RANBP10: variants seen among roughly 807,000 people sequenced by gnomAD.
RANBP10 encodes the protein ran-binding protein 10.
In RANBP10, 24 loss-of-function variants were observed where a neutral mutation model predicts 72.8. The ratio of observed to expected loss-of-function variants is 0.33; its 90% CI spans 0.24 to 0.46. The LOEUF (loss-of-function observed/expected upper bound fraction) is 0.46. RANBP10 is among the 20% of genes least tolerant of loss of function. The pLI, the probability that RANBP10 is intolerant of heterozygous loss-of-function variation, is 1.00. For synonymous variants in RANBP10, 310 were observed against 322.3 expected (o/e 0.96, Z 0.41); for missense variants, 679 against 817.5 (o/e 0.83, Z 2.07).
In RANBP10 at chr16:67,805,549, G is replaced by T; in HGVS notation, c.236-10C>A. On this transcript the variant is annotated splice_polypyrimidine_tract_variant and intron_variant, in intron 1 of 13. Coordinates refer to ENST00000317506, the MANE Select transcript of RANBP10 (RefSeq NM_020850.3). The stretch of plus-strand genomic sequence containing the variant: ...TGATTTTTGCCATGACCTAACAGGA[G>T]AGGGCAAGTAAGAAATTTCAGCAGA... 6.2e-7 allele frequency: 1 copy of T among 1,611,020 alleles called. No homozygotes were observed. Among genetic ancestry groups the T allele is most frequent in the Non-Finnish European group, 8.5e-7 (1 of 1,177,980 alleles).
rs528884052 is a variant in RANBP10 at position 67,746,476 on chromosome 16, G to A, written c.401-2021C>T. 7.2e-5 allele frequency among the ~76,000 whole-genome samples: 11 copies of A among 151,956 alleles called. No homozygotes were observed. The South Asian group carries it at 1.2e-3, about 17-fold the overall frequency. ...AGCCTGGGCGACACAGCAAGACTCC[G>A]TCTCAAAAATAATAATAATAATAAA... On this transcript the variant is annotated intron_variant, in intron 3 of 13. Coordinates refer to ENST00000317506, the MANE Select transcript of RANBP10 (RefSeq NM_020850.3).
intron 2 of RANBP10, among the ~76,000 whole-genome samples, chr16:67,800,145 CA>C (rs901321844): frequency 5.5e-4 from 78 of 141,338 alleles, no homozygotes; most frequent in South Asian, 2.5e-3. Flanking sequence ...CAACAACAAC[CA>C]AAAAAAAAAA....
intron 3 of RANBP10, chr16:67,759,753 G>C (rs1276721560): frequency 2.6e-5 from 4 of 152,322 alleles, no homozygotes; most frequent in African/African-American, 7.2e-5. Flanking sequence ...CAGGAAAGAA[G>C]TGGTGCCTAT....
intron 2 of RANBP10, among the ~76,000 whole-genome samples, chr16:67,784,451 G>GT (rs1264943486): frequency 1.3e-4 from 20 of 152,186 alleles, no homozygotes; most frequent in African/African-American, 4.8e-4. Context: ...GAGGTTGGGA[G>GT]TTTGAGACCA....
chr16:67,727,308 A>G lies in RANBP10; in HGVS notation c.1732+19T>C, dbSNP rs1470875935. The G allele has an allele frequency of 2.5e-6, 4 of 1,592,252 alleles. No individual in the cohort carries two copies. The highest frequency in any genetic ancestry group is 3.4e-6 in the Non-Finnish European group (4 of 1,167,216). On this transcript the variant is annotated intron_variant, in intron 13 of 13. Coordinates refer to ENST00000317506, the MANE Select transcript of RANBP10 (RefSeq NM_020850.3). ...AGCAGACTCTGTCTCTAATAATAAT[A>G]ATAAATAGATTCACTCACCTAAAAT... is the stretch of plus-strand genomic sequence containing the variant.
Position 67,724,589 on chromosome 16 carries a change from C to A in RANBP10, c.*1839G>T, listed in dbSNP as rs2142999537. The A allele has an allele frequency of 6.6e-6, 1 of 152,374 alleles. No homozygotes were observed. Among genetic ancestry groups the A allele is most frequent in the Non-Finnish European group, 1.5e-5 (1 of 68,068 alleles). 9.4% of individuals were successfully genotyped at this position (152,374 alleles called of 1,614,324 possible). ...AGGCCATGGTCTATGGGTCTGCCAG[C>A]CCCAAGGACCAAGAAAAAGCAGCAG... On this transcript the variant is annotated 3_prime_UTR_variant, in exon 14 of 14. Coordinates refer to ENST00000317506, the MANE Select transcript of RANBP10 (RefSeq NM_020850.3).
At chr16:67,788,845 C>T (rs985528365) in intron 2 of RANBP10, among the ~76,000 whole-genome samples, 9 of 149,852 alleles carry the variant, frequency 6.0e-5, no homozygotes, top group Non-Finnish European at 1.0e-4. Context: ...ACTGAAAATA[C>T]AAAAATTAGC....
At chr16:67,798,706 A>C (rs2055177054) in intron 2 of RANBP10, among the ~76,000 whole-genome samples, 1 of 152,194 alleles carries the variant, frequency 6.6e-6, no homozygotes, top group Non-Finnish European at 1.5e-5. Context: ...GCCAAGAGAA[A>C]AAAAGACAAC....
intron 3 of RANBP10, among the ~76,000 whole-genome samples, chr16:67,761,995 C>T (rs1189475848): frequency 6.6e-6 from 1 of 152,122 alleles, no homozygotes; most frequent in Non-Finnish European, 1.5e-5. Flanking sequence ...GTGGCTCACA[C>T]CTGTAATCCC....
intron 2 of RANBP10, among the ~76,000 whole-genome samples, chr16:67,797,081 T>C (rs1473734156): frequency 6.6e-6 from 1 of 152,156 alleles, no homozygotes; most frequent in Non-Finnish European, 1.5e-5. Context: ...GCCTGCCACA[T>C]GGGGCTGCTA....
intron 10 of RANBP10, 106 bp from the exon 11 acceptor site, chr16:67,728,617 G>A (rs770016175): frequency 5.7e-6 from 9 of 1,576,724 alleles, no homozygotes; most frequent in Non-Finnish European, 7.7e-6. Context: ...GGTGAACCGA[G>A]GACCCCCAGG....
At chr16:67,793,023 G>A (rs771643716) in intron 2 of RANBP10, among the ~76,000 whole-genome samples, 4 of 152,038 alleles carry the variant, frequency 2.6e-5, no homozygotes, top group Non-Finnish European at 4.4e-5. Flanking sequence ...AGAGTCTCAA[G>A]TACCAAACCT....
rs760273026 is a variant in RANBP10 at position 67,729,728 on chromosome 16, T to C, written c.1099A>G (p.Ser367Gly). 1.2e-6 allele frequency: 2 copies of C among 1,613,990 alleles called. No individual in the cohort carries two copies. Among genetic ancestry groups the C allele is most frequent in the Non-Finnish European group, 1.7e-6 (2 of 1,179,974 alleles). The change falls in exon 9 of 14, where the codon AGC becomes GGC. Residue 367 changes from serine (S) to glycine (G), a missense_variant. By Grantham distance (56) the Ser-to-Gly change is moderately conservative. Transcript: ENST00000317506. The surrounding 1 kb of genome is among the most constrained non-coding windows in gnomAD (Gnocchi z 7.1). ...KSQDSYPGSP[S>G]LSPRHGPSSS... Reference sequence around the variant, plus strand: ...CTGGGGCCATGTCGGGGACTGAGGCTGGGGGAGCCAGGGTAGCTGTCCTGG... The same window carrying C: ...CTGGGGCCATGTCGGGGACTGAGGCCGGGGGAGCCAGGGTAGCTGTCCTGG...
rs775356231 is a variant in RANBP10 at position 67,729,366 on chromosome 16, G to A, written c.1266C>T (p.Ser422=). 3.1e-6 allele frequency: 5 copies of A among 1,613,012 alleles called. No homozygotes were observed. In the East Asian group the frequency reaches 8.9e-5, roughly 29 times the overall value. ...ACTCGGAGTAATTGACGGAGGATGGGGAAGAGGACGAGGAGGAGGAGGAGG... is the reference window on the plus strand; with the variant it reads ...ACTCGGAGTAATTGACGGAGGATGGAGAAGAGGACGAGGAGGAGGAGGAGG... ...SSSSSSSSSS[S]PSSVNYSESN... Residue 422 remains serine, a synonymous_variant, in exon 10 of 14, where the codon TCC becomes TCT. Coordinates refer to ENST00000317506, the MANE Select transcript of RANBP10 (RefSeq NM_020850.3). This position sits in a 1 kb window ranked among gnomAD's most constrained non-coding sequence, Gnocchi z 7.1.
chr16:67,736,517 C>T (rs549750865), intron 5 of RANBP10, among the ~76,000 whole-genome samples: 1 of 152,318 alleles, frequency 6.6e-6, no homozygotes, highest in African/African-American at 2.4e-5. Flanking sequence ...ATGCTGGCTT[C>T]AGCCCACCAT....
intron 2 of RANBP10, among the ~76,000 whole-genome samples, chr16:67,797,156 AC>A (rs992583418): frequency 1.3e-5 from 2 of 152,242 alleles, no homozygotes; most frequent in Admixed American, 6.5e-5. Flanking sequence ...AATCTCCCTT[AC>A]ACCATGACCC....
At chr16:67,753,106 C>A (rs537427292) in intron 3 of RANBP10, among the ~76,000 whole-genome samples, 3 of 147,340 alleles carry the variant, frequency 2.0e-5, no homozygotes, top group African/African-American at 7.5e-5. Context: ...CTGGGTGTGG[C>A]GGTGTGTACT....
At chr16:67,750,610 A>T (rs935054695) in intron 3 of RANBP10, among the ~76,000 whole-genome samples, 2 of 152,172 alleles carry the variant, frequency 1.3e-5, no homozygotes, top group African/African-American at 2.4e-5. Context: ...GCACAAGCAC[A>T]TATGTGTGTT....
At chr16:67,759,169 T>C (rs2054346984) in intron 3 of RANBP10, among the ~76,000 whole-genome samples, 1 of 152,238 alleles carries the variant, frequency 6.6e-6, no homozygotes, top group Non-Finnish European at 1.5e-5. Context: ...GGAAAACCTG[T>C]TGCTGCTCAG....
Sources: gnomAD v4.1 joint callset for allele counts (sites outside exome capture counted in the v4.1 genomes callset) on GRCh38, gnomAD v4.1.1 for gene constraint, Gnocchi (gnomAD v3.1) non-coding constraint, MANE v1.5 for transcripts, NCBI Gene and HGNC (gene_info 2026-07-23, HGNC 2026-07-21) for gene names.